ARMC3: variants seen among roughly 807,000 people sequenced by gnomAD.
ARMC3 encodes armadillo repeat containing 3.
In ARMC3, 74 loss-of-function variants were observed where a neutral mutation model predicts 90.3. The observed-to-expected ratio is 0.82, with a 90% CI of 0.68 to 0.99. The LOEUF (loss-of-function observed/expected upper bound fraction) is 0.99, where lower values mean the gene tolerates loss of function less well. Among genes scored for constraint, ARMC3 ranks in the 50% least tolerant of loss-of-function variants. The probability of loss-of-function intolerance (pLI) is 0.00; values close to 1 mark genes in which losing one functional copy is unlikely to be tolerated. For synonymous variants in ARMC3, 334 were observed against 361.8 expected (o/e 0.92, Z 0.87); for missense variants, 958 against 1,042.8 (o/e 0.92, Z 1.12).
rs779460428 is a variant in ARMC3, at chr10:22,938,889, CAATT to C, written c.48+6848_48+6851del. On this transcript the variant is annotated intron_variant, in intron 2 of 18. Transcript: ENST00000298032. ...TGTATCCAGAGAGATGGAGGCCTGA[CAATT>C]AAATACACCATAACTCTCTATAGTT... Among the ~76,000 whole-genome samples the C allele has an allele frequency of 1.4e-4, 21 of 152,232 alleles. 1 individual carries two copies. The highest frequency in any genetic ancestry group is 1.4e-3 in the East Asian group (7 of 5,182).
chr10:23,010,744 CT>C (rs1227186264), intron 16 of ARMC3, among the ~76,000 whole-genome samples: 1 of 98,226 alleles, frequency 1.0e-5, no homozygotes, highest in Non-Finnish European at 2.1e-5. Flanking sequence ...TTCCCTCCCC[CT>C]CCCCACTCCT....
intron 8 of ARMC3, among the ~76,000 whole-genome samples, chr10:22,971,443 T>G (rs940708969): frequency 2.2e-5 from 3 of 137,950 alleles, no homozygotes; most frequent in African/African-American, 9.4e-5. Flanking sequence ...TATTTTTAGT[T>G]TTTTTTTTTT....
intron 10 of ARMC3, among the ~76,000 whole-genome samples, chr10:22,985,032 C>G (rs980648645): frequency 6.7e-6 from 1 of 149,402 alleles, no homozygotes; most frequent in African/African-American, 2.5e-5. Flanking sequence ...ACCATCCCAC[C>G]CAGTTAATTT....
At chr10:23,004,765 C>A (rs1166348033) in intron 13 of ARMC3, among the ~76,000 whole-genome samples, 1 of 152,138 alleles carries the variant, frequency 6.6e-6, no homozygotes, top group East Asian at 1.9e-4. Flanking sequence ...TAAAACTTGA[C>A]TCTTACTCTC....
intron 4 of ARMC3, among the ~76,000 whole-genome samples, chr10:22,957,606 T>G (rs1835001983): frequency 6.6e-6 from 1 of 152,162 alleles, no homozygotes; most frequent in Admixed American, 6.5e-5. Context: ...CTGTGCTAAG[T>G]GCTATTGATA....
At chr10:22,941,804 G>A (rs1359825935) in intron 2 of ARMC3, among the ~76,000 whole-genome samples, 5 of 152,154 alleles carry the variant, frequency 3.3e-5, no homozygotes. Context: ...AAATGTTCAA[G>A]GATAGTAGAA....
chr10:23,007,693 C>A (rs1377561007), intron 14 of ARMC3, among the ~76,000 whole-genome samples: 1 of 104,594 alleles, frequency 9.6e-6, no homozygotes, highest in Non-Finnish European at 1.9e-5. Context: ...AGCAAGACTC[C>A]GTCTCAAAAA....
At chr10:23,023,024 C>A (rs1838573428) in intron 16 of ARMC3, among the ~76,000 whole-genome samples, 1 of 152,074 alleles carries the variant, frequency 6.6e-6, no homozygotes, top group Non-Finnish European at 1.5e-5. Flanking sequence ...CCTTCTCTCA[C>A]CAAGAGACAT....
At chr10:23,011,100 C>G (rs561768532) in intron 16 of ARMC3, among the ~76,000 whole-genome samples, 1 of 151,444 alleles carries the variant, frequency 6.6e-6, no homozygotes, top group Non-Finnish European at 1.5e-5. Context: ...ACCCTTTGGC[C>G]TCTCTGAGCC....
intron 10 of ARMC3, among the ~76,000 whole-genome samples, chr10:22,993,152 G>C (rs1462377298): frequency 6.6e-6 from 1 of 152,198 alleles, no homozygotes; most frequent in East Asian, 1.9e-4. Context: ...GGTCACCCTT[G>C]ATTCATGTTA....
chr10:23,017,369 C>A (rs1256506345), intron 16 of ARMC3, among the ~76,000 whole-genome samples: 1 of 152,168 alleles, frequency 6.6e-6, no homozygotes, highest in Non-Finnish European at 1.5e-5. Flanking sequence ...TCAGTCAATT[C>A]TTCCCTCCCA....
rs61238903 is a variant in ARMC3 at position 23,027,411 on chromosome 10, T to C, written c.2046-3185T>C. Among the ~76,000 whole-genome samples the C allele has an allele frequency of 4.5e-4, 69 of 152,352 alleles. No individual in the cohort carries two copies. The South Asian group carries it at 5.4e-3, about 12-fold the overall frequency. On this transcript the variant is annotated intron_variant, in intron 16 of 18. Transcript: ENST00000298032. ...ATTGTAAATGCTTCAAACAGTTTTT[T>C]GGTTTTAATTTTGATTTGCACATGT...
intron 16 of ARMC3, among the ~76,000 whole-genome samples, chr10:23,018,977 T>G (rs777255880): frequency 3.3e-5 from 5 of 152,154 alleles, no homozygotes; most frequent in Admixed American, 6.5e-5. Flanking sequence ...CTCTAGTGAG[T>G]GGCTGTGGAC....
intron 16 of ARMC3, among the ~76,000 whole-genome samples, chr10:23,024,876 G>T (rs1838655363): frequency 6.6e-6 from 1 of 152,130 alleles, no homozygotes; most frequent in South Asian, 2.1e-4. Context: ...ATTTGACATA[G>T]GTAGGCTGAA....
rs139845013 is a variant in ARMC3 at position 22,994,690 on chromosome 10, G to T, written c.1176-3458G>T. ...TAAGACGGAGGAAGGACTGGAGGGG[G>T]TGAGGAGAGACCTCTTAGGAGATTA... On this transcript the variant is annotated intron_variant, in intron 10 of 18. Coordinates refer to ENST00000298032, the MANE Select transcript of ARMC3 (RefSeq NM_173081.5). Among the ~76,000 whole-genome samples the T allele has an allele frequency of 3.8e-3, 572 of 152,318 alleles. 7 individuals are homozygous for T. Among genetic ancestry groups the T allele is most frequent in the African/African-American group, 0.012 (513 of 41,572 alleles).
intron 18 of ARMC3, 54 bp from the exon 19 acceptor site, chr10:23,037,216 T>A (rs946086727): frequency 1.5e-5 from 22 of 1,440,818 alleles, no homozygotes; most frequent in Non-Finnish European, 1.7e-5. Flanking sequence ...AAATAGGATA[T>A]TCCCCACCCC....
intron 16 of ARMC3, among the ~76,000 whole-genome samples, chr10:23,027,273 T>C (rs1838747102): frequency 6.6e-6 from 1 of 152,234 alleles, no homozygotes; most frequent in Non-Finnish European, 1.5e-5. Flanking sequence ...TCTCATCATT[T>C]ATCTAAGTCT....
chr10:23,024,477 A>T (rs1009693882), intron 16 of ARMC3, among the ~76,000 whole-genome samples: 4 of 152,194 alleles, frequency 2.6e-5, no homozygotes, highest in African/African-American at 9.6e-5. Flanking sequence ...TGAGTATTTT[A>T]AGTCACATTT....
chr10:23,029,865 T>G (rs1287168289), intron 16 of ARMC3, among the ~76,000 whole-genome samples: 1 of 152,190 alleles, frequency 6.6e-6, no homozygotes, highest in East Asian at 1.9e-4. Flanking sequence ...TTTGTAGGTT[T>G]TTTTTGCTTT....
Sources: allele counts gnomAD v4.1 joint callset (sites outside exome capture counted in the v4.1 genomes callset), GRCh38; gene constraint gnomAD v4.1.1; transcripts MANE v1.5; gene names NCBI Gene and HGNC (gene_info 2026-07-23, HGNC 2026-07-21).